The following TANC1 variants were observed in gnomAD, a reference collection of about 807,000 sequenced individuals.
TANC1 encodes tetratricopeptide repeat, ankyrin repeat and coiled-coil containing 1, also known as protein TANC1.
In TANC1, 77 loss-of-function variants were observed where a neutral mutation model predicts 149.7. The ratio of observed to expected loss-of-function variants is 0.51; its 90% CI spans 0.43 to 0.62. The LOEUF is 0.62. Among genes scored for constraint, TANC1 ranks in the 20% least tolerant of loss-of-function variants. The pLI is 0.00. For missense variants in TANC1, 1,985 were observed against 2,321.8 expected (o/e 0.85, Z 2.98); for synonymous variants, 854 against 925.0 (o/e 0.92, Z 1.39).
chr2:159,128,059 C>A (rs1227495100), intron 4 of TANC1, among the ~76,000 whole-genome samples: 1 of 152,168 alleles, frequency 6.6e-6, no homozygotes. Context: ...TGTTAGGTGA[C>A]TTTTGTGTTT....
chr2:159,145,421 C>A (rs1309285467), intron 5 of TANC1, among the ~76,000 whole-genome samples: 1 of 152,140 alleles, frequency 6.6e-6, no homozygotes, highest in African/African-American at 2.4e-5. Context: ...TGGTTTTGAG[C>A]CTCACAACCT....
At chr2:159,155,329 G>C (rs2053306517) in intron 7 of TANC1, among the ~76,000 whole-genome samples, 1 of 152,196 alleles carries the variant, frequency 6.6e-6, no homozygotes, top group Non-Finnish European at 1.5e-5. Flanking sequence ...CAGAGGGGAA[G>C]GACTTATTCT....
In TANC1 at chr2:159,097,727, C is replaced by A. The variant is rs763604710; in HGVS notation, c.152C>A (p.Thr51Asn). The A allele has an allele frequency of 4.3e-6, 7 of 1,614,138 alleles. No individual in the cohort carries two copies. The highest frequency in any genetic ancestry group is 5.9e-6 in the Non-Finnish European group (7 of 1,180,026). ...AGCAGTCTTCCCACAGCAGAGGACA[C>A]CTATAGGGTGAGCTTGGCCAAAGGT... ...PVSSLPTAED[T>N]YRVSLAKGVS... is the part of the protein sequence containing the mutation. The change falls in exon 4 of 27, where the codon ACC (threonine) becomes AAC (asparagine). Residue 51 changes from threonine to asparagine, a missense_variant. Physicochemically the swap from Thr to Asn is moderately conservative, Grantham distance 65. This residue lies in a region of TANC1 where 557 missense variants were observed against 612.9 expected (regional missense o/e 0.91). Coordinates refer to ENST00000263635, the MANE Select transcript of TANC1 (RefSeq NM_033394.3).
intron 4 of TANC1, among the ~76,000 whole-genome samples, chr2:159,099,457 G>A (rs1244873752): frequency 6.6e-6 from 1 of 151,204 alleles, no homozygotes; most frequent in Admixed American, 6.6e-5. Context: ...TATCAGGTAC[G>A]TCATTTGTCC....
At chr2:159,139,614 T>C (rs2051142187) in intron 5 of TANC1, among the ~76,000 whole-genome samples, 1 of 152,256 alleles carries the variant, frequency 6.6e-6, no homozygotes, top group South Asian at 2.1e-4. Flanking sequence ...TATTTCTAGC[T>C]ACTAGGGCAA....
intron 2 of TANC1, among the ~76,000 whole-genome samples, chr2:159,058,401 G>T (rs1216078699): frequency 2.0e-5 from 3 of 152,160 alleles, no homozygotes; most frequent in Admixed American, 2.0e-4. Flanking sequence ...CTCCTTGTTG[G>T]AAGAGAATTG....
chr2:159,161,529 G>A (rs2054045280), intron 7 of TANC1, among the ~76,000 whole-genome samples: 1 of 152,198 alleles, frequency 6.6e-6, no homozygotes, highest in South Asian at 2.1e-4. Flanking sequence ...CCATTAATAA[G>A]CAATAATCTT....
chr2:159,042,798 A>G (rs1344753592), intron 2 of TANC1, among the ~76,000 whole-genome samples: 1 of 152,024 alleles, frequency 6.6e-6, no homozygotes, highest in South Asian at 2.1e-4. Flanking sequence ...GTGTTTGGGA[A>G]TGGTGAATTT....
At chr2:159,005,802 G>GA (rs1293299092) in intron 2 of TANC1, among the ~76,000 whole-genome samples, 1 of 150,724 alleles carries the variant, frequency 6.6e-6, no homozygotes, top group East Asian at 1.9e-4. Flanking sequence ...AAACAAAATT[G>GA]AAAAAGAAAA....
intron 5 of TANC1, among the ~76,000 whole-genome samples, chr2:159,145,092 C>T (rs977952734): frequency 1.3e-5 from 2 of 152,126 alleles, no homozygotes; most frequent in African/African-American, 4.8e-5. Context: ...TGCGCTCCTC[C>T]CCTGGCTTTA....
At chr2:159,150,801 C>A (rs945178990) in intron 7 of TANC1, 1 of 466,556 alleles carries the variant, frequency 2.1e-6, no homozygotes, top group Admixed American at 3.7e-5. Flanking sequence ...AAAGGAATTC[C>A]AGATCAGATC....
intron 4 of TANC1, among the ~76,000 whole-genome samples, chr2:159,116,192 C>T (rs942959631): frequency 6.6e-5 from 10 of 151,904 alleles, no homozygotes; most frequent in Non-Finnish European, 5.9e-5. Context: ...TTTGGGAGGC[C>T]GAGGCAGACA....
At position 159,232,270 on chromosome 2, in the gene TANC1, G is replaced by A. The variant is rs1162735733; in HGVS notation, c.*1258G>A. On this transcript the variant is annotated 3_prime_UTR_variant, in exon 27 of 27. Coordinates refer to ENST00000263635, the MANE Select transcript of TANC1 (RefSeq NM_033394.3). The stretch of plus-strand genomic sequence containing the variant: ...TTTATATGAAAATGGTGTGTTATTG[G>A]AAGATGTTAAAATGCTAATTTGAGA... 1 of 152,622 alleles carries A rather than the reference G, an allele frequency of 6.6e-6. No individual in the cohort carries two copies. The highest frequency in any genetic ancestry group is 6.5e-5 in the Admixed American group (1 of 15,280). 9.5% of individuals were successfully genotyped at this position (152,622 alleles called of 1,614,324 possible). A position where few individuals can be genotyped will look rare whatever the true frequency, so the allele number is the denominator to read the frequency against.
At chr2:159,165,209 C>T (rs949261301) in intron 8 of TANC1, among the ~76,000 whole-genome samples, 1 of 152,180 alleles carries the variant, frequency 6.6e-6, no homozygotes, top group African/African-American at 2.4e-5. Flanking sequence ...TATGGGTCTC[C>T]TGCCATGTGA....
At position 159,152,653 on chromosome 2, in the gene TANC1, C is replaced by A. The variant is rs114746567; in HGVS notation, c.682+2097C>A. 9.2e-3 allele frequency among the ~76,000 whole-genome samples: 1,396 copies of A among 152,104 alleles called. 8 individuals are homozygous for A. The highest frequency in any genetic ancestry group is 0.016 in the Non-Finnish European group (1,054 of 67,950). On this transcript the variant is annotated intron_variant, in intron 7 of 26. Transcript: ENST00000263635. ...TACAGGCATGTGCCACCACACTTAG[C>A]TCATTAAAAAATTTTTTAACATATT...
intron 19 of TANC1, among the ~76,000 whole-genome samples, chr2:159,211,738 A>G (rs928656457): frequency 1.3e-5 from 2 of 152,260 alleles, no homozygotes; most frequent in African/African-American, 2.4e-5. Context: ...CTGCTTAGAA[A>G]AAGGAAAACA....
rs772919844 is a variant in TANC1 at position 159,163,239 on chromosome 2, G to C, written c.683-44G>C. On this transcript the variant is annotated intron_variant, in intron 7 of 26. Transcript: ENST00000263635. ...TGCATGTTTTAATTCTTCAGCCCCA[G>C]CTGTGCCTGGCCTCCTTCAAAGTAT... The C allele has an allele frequency of 2.5e-6, 4 of 1,587,582 alleles. No homozygotes were observed. The Admixed American group carries it at 6.9e-5, about 27-fold the overall frequency.
chr2:159,057,382 T>C (rs1236516269), intron 2 of TANC1, among the ~76,000 whole-genome samples: 1 of 152,262 alleles, frequency 6.6e-6, no homozygotes, highest in African/African-American at 2.4e-5. Context: ...CTGTCAGTTG[T>C]ACTTGCCTTT....
chr2:159,069,654 G>C (rs2042968705), intron 3 of TANC1, among the ~76,000 whole-genome samples: 2 of 151,838 alleles, frequency 1.3e-5, no homozygotes, highest in Non-Finnish European at 2.9e-5. Context: ...AGCCACACTG[G>C]AAGTTAGTAT....
Sources: allele counts gnomAD v4.1 joint callset (sites outside exome capture counted in the v4.1 genomes callset), GRCh38; gene constraint gnomAD v4.1.1; regional missense constraint gnomAD v4.1.1; transcripts MANE v1.5; gene names NCBI Gene and HGNC (gene_info 2026-07-23, HGNC 2026-07-21).